The following USP30 variants were observed in gnomAD, a reference collection of about 807,000 sequenced individuals.
USP30 encodes the protein ubiquitin specific peptidase 30, also known as ubiquitin carboxyl-terminal hydrolase 30.
In USP30, 41 loss-of-function variants were observed where a neutral mutation model predicts 68.2. That is an observed-to-expected ratio of 0.60 (90% CI 0.47 to 0.78). The LOEUF (loss-of-function observed/expected upper bound fraction) is 0.78. Among genes scored for constraint, USP30 ranks in the 30% least tolerant of loss-of-function variants. The pLI is 0.00. For synonymous variants in USP30, 229 were observed against 253.7 expected (o/e 0.90, Z 0.93); for missense variants, 522 against 649.4 (o/e 0.80, Z 2.13).
At chr12:109,075,431 A>G (rs1593282259) in intron 7 of USP30, among the ~76,000 whole-genome samples, 1 of 151,796 alleles carries the variant, frequency 6.6e-6, no homozygotes, top group African/African-American at 2.4e-5. Context: ...GCTCACTGCA[A>G]CCTCCGTCTC....
intron 3 of USP30, among the ~76,000 whole-genome samples, chr12:109,032,622 T>C (rs1440198706): frequency 6.6e-6 from 1 of 151,940 alleles, no homozygotes; most frequent in East Asian, 1.9e-4. Context: ...AGACAGAGAG[T>C]AGATCAGTGG....
chr12:109,048,229 G>A (rs2040623357), upstream of USP30, among the ~76,000 whole-genome samples: 1 of 151,896 alleles, frequency 6.6e-6, no homozygotes, highest in African/African-American at 2.4e-5. Flanking sequence ...GGGACTAGAG[G>A]TGTGTGCCAC....
Position 109,070,047 on chromosome 12 carries a change from CG to C in USP30, c.481-1562del, listed in dbSNP as rs1307178199. ...AGATTGTGCAGGGACTAGGAGGCTGCGGGCGGCATCAGCTTCTATTGTGTTT... is the reference window on the plus strand; with the variant it reads ...AGATTGTGCAGGGACTAGGAGGCTGCGGCGGCATCAGCTTCTATTGTGTTT... On this transcript the variant is annotated intron_variant, in intron 4 of 12. Transcript: ENST00000257548. The surrounding 1 kb of genome is among the most constrained non-coding windows in gnomAD (Gnocchi z 4.0). 1.3e-5 allele frequency among the ~76,000 whole-genome samples: 2 copies of C among 151,964 alleles called. No individual in the cohort carries two copies. Among genetic ancestry groups the C allele is most frequent in the Admixed American group, 1.3e-4 (2 of 15,252 alleles).
chr12:109,047,246 C>T (rs2040613822), intron 3 of USP30, among the ~76,000 whole-genome samples: 1 of 152,038 alleles, frequency 6.6e-6, no homozygotes, highest in African/African-American at 2.4e-5. Flanking sequence ...GTTTACCCTA[C>T]ACTTCATCCT....
intron 8 of USP30, 29 bp from the exon 9 acceptor site, chr12:109,081,904 G>A: frequency 6.2e-7 from 1 of 1,602,120 alleles, no homozygotes. Flanking sequence ...CCTTTGAATT[G>A]TAGTAATTTT....
intron 1 of USP30, among the ~76,000 whole-genome samples, chr12:109,055,164 T>A (rs1200698457): frequency 1.3e-5 from 2 of 151,526 alleles, no homozygotes; most frequent in Non-Finnish European, 2.9e-5. Flanking sequence ...GTTGGGGAAA[T>A]TTCTTAATAT....
At chr12:109,082,117 G>A in intron 9 of USP30, 98 bp downstream of exon 9, 1 of 1,317,308 alleles carries the variant, frequency 7.6e-7, no homozygotes, top group African/African-American at 1.5e-5. Context: ...ACTGTATCCA[G>A]TGGGTCTTTT....
intron 3 of USP30, among the ~76,000 whole-genome samples, chr12:109,033,924 G>A (rs984745174): frequency 2.0e-5 from 3 of 152,106 alleles, no homozygotes; most frequent in Non-Finnish European, 4.4e-5. Context: ...GGCCAAAAAG[G>A]GCAGAGAGAA....
At chr12:109,072,250 G>A (rs2041465370) in intron 5 of USP30, 55 bp from the exon 6 acceptor site, 1 of 1,521,870 alleles carries the variant, frequency 6.6e-7, no homozygotes, top group Non-Finnish European at 9.1e-7. Flanking sequence ...GGTGAGGGTG[G>A]TGAAAGGGAT....
At chr12:109,028,365 T>A (rs2040458906) in intron 3 of USP30, among the ~76,000 whole-genome samples, 1 of 152,156 alleles carries the variant, frequency 6.6e-6, no homozygotes, top group South Asian at 2.1e-4. Flanking sequence ...GGCGCTGGCA[T>A]CTGCTTCTGG....
chr12:109,052,434 C>A (rs1337666271), upstream of USP30: 1 of 385,364 alleles, frequency 2.6e-6, no homozygotes, highest in Non-Finnish European at 4.6e-6. Flanking sequence ...CTGAGCCCAG[C>A]GTAGCAACCG....
upstream of USP30, among the ~76,000 whole-genome samples, chr12:109,048,300 G>A (rs549365635): frequency 9.9e-5 from 15 of 152,000 alleles, no homozygotes; most frequent in African/African-American, 2.9e-4. Context: ...GCCCAGACTC[G>A]TCTCAGACTC....
chr12:109,070,774 C>G lies in USP30; in HGVS notation c.481-838C>G, dbSNP rs1261020992. On this transcript the variant is annotated intron_variant, in intron 4 of 12. Transcript: ENST00000257548. This position sits in a 1 kb window ranked among gnomAD's most constrained non-coding sequence, Gnocchi z 4.0. ...AGTCCCATGCCATTGGATCCAGCAA[C>G]CCCGCTGCTGGGTACAAACCAAAAG... 6.6e-6 allele frequency among the ~76,000 whole-genome samples: 1 copy of G among 152,124 alleles called. No homozygotes were observed. Among genetic ancestry groups the G allele is most frequent in the Admixed American group, 6.5e-5 (1 of 15,270 alleles).
chr12:109,072,277 G>A (rs1005887569), intron 5 of USP30, 28 bp from the exon 6 acceptor site: 2 of 1,601,074 alleles, frequency 1.2e-6, no homozygotes, highest in Non-Finnish European at 8.6e-7. Flanking sequence ...AAGGTTTTCA[G>A]TCTGTTTTTT....
At chr12:109,046,222 C>T (rs2040603602) in intron 3 of USP30, among the ~76,000 whole-genome samples, 1 of 150,858 alleles carries the variant, frequency 6.6e-6, no homozygotes, top group Non-Finnish European at 1.5e-5. Context: ...CTGCCTCAGC[C>T]TCCCTAGTAC....
intron 7 of USP30, among the ~76,000 whole-genome samples, chr12:109,079,528 T>C (rs2041735613): frequency 1.3e-5 from 2 of 151,512 alleles, no homozygotes; most frequent in African/African-American, 4.8e-5. Flanking sequence ...CACACCCAGC[T>C]AATTTTTTTT....
intron 1 of USP30, 50 bp from the exon 2 acceptor site, chr12:109,056,632 G>A (rs2040884415): frequency 2.2e-6 from 3 of 1,344,980 alleles, no homozygotes; most frequent in Non-Finnish European, 3.1e-6. Context: ...CTGTATATTT[G>A]CCTTTTGTGT....
intron 3 of USP30, among the ~76,000 whole-genome samples, chr12:109,058,901 T>C (rs1295331635): frequency 6.6e-6 from 1 of 152,238 alleles, no homozygotes; most frequent in Non-Finnish European, 1.5e-5. Context: ...TGTTGGACAA[T>C]ACATCCATAC....
intron 1 of USP30, among the ~76,000 whole-genome samples, chr12:109,055,950 A>G (rs1424736389): frequency 6.6e-6 from 1 of 152,184 alleles, no homozygotes; most frequent in Non-Finnish European, 1.5e-5. Context: ...TGATATGTTC[A>G]GGTAGGCCTC....
Sources: gnomAD v4.1 joint callset for allele counts (sites outside exome capture counted in the v4.1 genomes callset) on GRCh38, gnomAD v4.1.1 for gene constraint, Gnocchi (gnomAD v3.1) non-coding constraint, MANE v1.5 for transcripts, NCBI Gene and HGNC (gene_info 2026-07-23, HGNC 2026-07-21) for gene names.